Variants in EGFLAM observed in about 807,000 individuals in gnomAD.
EGFLAM encodes the protein EGF like, fibronectin type III and laminin G domains, also known as pikachurin.
EGFLAM carries 79 observed loss-of-function variants against 113.1 expected under a neutral mutation model. That is an observed-to-expected ratio of 0.70 (90% CI 0.58 to 0.84). EGFLAM has a LOEUF of 0.84. EGFLAM is among the 40% of genes least tolerant of loss of function. EGFLAM has a pLI of 0.00. For missense variants in EGFLAM, 1,265 were observed against 1,291.6 expected, an observed-to-expected ratio of 0.98 and a Z score of 0.32; for synonymous variants, 504 against 487.6, an observed-to-expected ratio of 1.03 and a Z score of -0.44.
intron 6 of EGFLAM, among the ~76,000 whole-genome samples, chr5:38,391,501 T>G (rs557273351): frequency 6.6e-6 from 1 of 151,628 alleles, no homozygotes; most frequent in South Asian, 2.1e-4. Context: ...TGGGTTCAAG[T>G]GATTCTCCTG....
intron 6 of EGFLAM, among the ~76,000 whole-genome samples, chr5:38,392,664 G>C (rs977576804): frequency 1.3e-5 from 2 of 151,714 alleles, no homozygotes; most frequent in African/African-American, 4.9e-5. Flanking sequence ...TAATATCATG[G>C]TTTAGTGTTC....
intron 10 of EGFLAM, 92 bp from the exon 11 acceptor site, chr5:38,412,412 G>A (rs557519344): frequency 6.1e-5 from 97 of 1,581,270 alleles, no homozygotes; most frequent in Admixed American, 1.0e-4. Flanking sequence ...ACTCTGAAGG[G>A]AGCTGTTGAC....
rs547818272 is a variant in EGFLAM at position 38,411,554 on chromosome 5, C to T, written c.1350-950C>T. On this transcript the variant is annotated intron_variant, in intron 10 of 21. Transcript: ENST00000322350. ...CTGGAGTGCAGTGGTGCAATCTGGG[C>T]TCACTTCAACCTCCACCTCCTGGGT... is the stretch of plus-strand genomic sequence containing the variant. Among the ~76,000 whole-genome samples, 144 of 140,800 alleles carry T rather than the reference C, an allele frequency of 1.0e-3. 2 individuals carry two copies. The highest frequency in any genetic ancestry group is 3.7e-3 in the African/African-American group (140 of 37,598). The allele number at this position is 140,800 out of a possible 152,430, so 92.4% of individuals were successfully genotyped here. A position where few individuals can be genotyped will look rare whatever the true frequency, so the allele number is the denominator to read the frequency against.
chr5:38,354,819 T>A (rs1160252997), intron 5 of EGFLAM, among the ~76,000 whole-genome samples: 1 of 152,252 alleles, frequency 6.6e-6, no homozygotes, highest in Non-Finnish European at 1.5e-5. Context: ...TATTTACTAT[T>A]AATTTTTTGT....
At chr5:38,435,806 C>CTTTTTTTTTTTT (rs60461690) in intron 16 of EGFLAM, among the ~76,000 whole-genome samples, 1 of 88,916 alleles carries the variant, frequency 1.1e-5, no homozygotes, top group African/African-American at 4.8e-5. Flanking sequence ...CCGGCTCTCT[C>CTTTTTTTTTTTT]TTTTTTTTTT....
At chr5:38,347,574 G>A (rs1739506779) in intron 3 of EGFLAM, among the ~76,000 whole-genome samples, 1 of 152,064 alleles carries the variant, frequency 6.6e-6, no homozygotes, top group African/African-American at 2.4e-5. Flanking sequence ...GCAGGAGTAG[G>A]GAGAAGGACA....
chr5:38,334,767 G>C (rs1739141795), intron 1 of EGFLAM, among the ~76,000 whole-genome samples: 1 of 152,078 alleles, frequency 6.6e-6, no homozygotes, highest in Non-Finnish European at 1.5e-5. Flanking sequence ...ACTTTATACT[G>C]TTACTTATAC....
intron 12 of EGFLAM, among the ~76,000 whole-genome samples, chr5:38,422,383 C>T (rs953530080): frequency 6.6e-6 from 1 of 152,190 alleles, no homozygotes; most frequent in Non-Finnish European, 1.5e-5. Context: ...TGCACTCACC[C>T]TTCCTGGCTG....
In EGFLAM at chr5:38,412,629, C is replaced by T. The variant is rs201151464; in HGVS notation, c.1475C>T (p.Pro492Leu). Residue 492 changes from proline to leucine, a missense_variant, in exon 11 of 22, where the codon CCA becomes CTA. Physicochemically the swap from Pro to Leu is moderately conservative, Grantham distance 98. Coordinates refer to ENST00000322350, the MANE Select transcript of EGFLAM (RefSeq NM_152403.4). ...CTGCTGCAGCTGAACAATGGCACCC[C>T]AGTGACAGGCCAGTCTCAGGTATGT... Reference protein sequence around the residue: ...NGLLQLNNGTPVTGQSQGQYS... With the variant: ...NGLLQLNNGTLVTGQSQGQYS... The T allele has an allele frequency of 1.7e-5, 28 of 1,613,942 alleles. No homozygotes were observed. Among genetic ancestry groups the T allele is most frequent in the Non-Finnish European group, 2.4e-5 (28 of 1,180,026 alleles).
At chr5:38,282,600 A>G (rs955786075) in intron 1 of EGFLAM, 2 of 151,584 alleles carry the variant, frequency 1.3e-5, no homozygotes, top group African/African-American at 4.9e-5. Context: ...AGATCCTGGT[A>G]GCTGGAAATG....
intron 17 of EGFLAM, among the ~76,000 whole-genome samples, chr5:38,447,628 T>G (rs892454824): frequency 2.0e-5 from 3 of 152,008 alleles, no homozygotes; most frequent in Non-Finnish European, 4.4e-5. Flanking sequence ...TGGTGGCAGG[T>G]GCCTGTAATC....
At chr5:38,381,182 A>C (rs1303598762) in intron 6 of EGFLAM, among the ~76,000 whole-genome samples, 1 of 152,142 alleles carries the variant, frequency 6.6e-6, no homozygotes, top group African/African-American at 2.4e-5. Flanking sequence ...CATTCATCAT[A>C]ATGTCATGGC....
At chr5:38,290,153 AGTAAT>A (rs932904975) in intron 1 of EGFLAM, among the ~76,000 whole-genome samples, 1 of 152,136 alleles carries the variant, frequency 6.6e-6, no homozygotes, top group African/African-American at 2.4e-5. Context: ...GTAGAGGGTC[AGTAAT>A]GTGATGAGTG....
chr5:38,435,764 A>C (rs1015274105), intron 16 of EGFLAM, among the ~76,000 whole-genome samples: 2 of 151,552 alleles, frequency 1.3e-5, no homozygotes, highest in African/African-American at 4.9e-5. Context: ...AAGGTTCAGG[A>C]AAAAAACATT....
rs1742306746 is a variant in EGFLAM, at chr5:38,435,237, G to A, written c.2267G>A (p.Ser756Asn). Residue 756 changes from serine (S) to asparagine (N), a missense_variant, in exon 16 of 22, where the codon AGC becomes AAC. By Grantham distance (46) the Ser-to-Asn change is conservative. Coordinates refer to ENST00000322350, the MANE Select transcript of EGFLAM (RefSeq NM_152403.4). Reference sequence around the variant, plus strand: ...AACTCGGGTGTCCTGAAGCCTTTCAGCGGGAGCATCCAGAAGGTACAGGCA... The same window carrying A: ...AACTCGGGTGTCCTGAAGCCTTTCAACGGGAGCATCCAGAAGGTACAGGCA... ...KKNSGVLKPF[S>N]GSIQKIILND... The A allele has an allele frequency of 6.2e-7, 1 of 1,613,942 alleles. No homozygotes were observed. Among genetic ancestry groups the A allele is most frequent in the African/African-American group, 1.3e-5 (1 of 74,910 alleles).
At chr5:38,426,696 C>G (rs1026429177) in intron 13 of EGFLAM, among the ~76,000 whole-genome samples, 3 of 152,192 alleles carry the variant, frequency 2.0e-5, no homozygotes, top group Admixed American at 6.5e-5. Context: ...TACAGGGACA[C>G]AGTTTCCTTC....
intron 1 of EGFLAM, among the ~76,000 whole-genome samples, chr5:38,337,175 C>T (rs543880635): frequency 9.3e-4 from 142 of 152,266 alleles, no homozygotes; most frequent in African/African-American, 3.3e-3. Context: ...ATGTGCCTGT[C>T]ATCTTACTTT....
chr5:38,264,047 C>CT (rs2111688138), intron 1 of EGFLAM, among the ~76,000 whole-genome samples: 1 of 152,326 alleles, frequency 6.6e-6, no homozygotes, highest in South Asian at 2.1e-4. Flanking sequence ...AGACTTAGGG[C>CT]TGACAGCCGT....
In EGFLAM at chr5:38,445,186, G is replaced by A. The variant is rs567447954; in HGVS notation, c.2465-3115G>A. Among the ~76,000 whole-genome samples the A allele has an allele frequency of 1.1e-4, 17 of 152,226 alleles. No homozygotes were observed. In the South Asian group the frequency reaches 1.7e-3, roughly 15 times the overall value. On this transcript the variant is annotated intron_variant, in intron 17 of 21. Transcript: ENST00000322350. ...CTGGAATCTTGCAATGGGGGGTGGCGTGGGAATGAGGGCGATATTTTCCAC... is the reference window on the plus strand; with the variant it reads ...CTGGAATCTTGCAATGGGGGGTGGCATGGGAATGAGGGCGATATTTTCCAC...
Sources: allele counts gnomAD v4.1 joint callset (sites outside exome capture counted in the v4.1 genomes callset), GRCh38; gene constraint gnomAD v4.1.1; transcripts MANE v1.5; gene names NCBI Gene and HGNC (gene_info 2026-07-23, HGNC 2026-07-21).